The following KATNBL1 variants were observed in gnomAD, a reference collection of about 807,000 sequenced individuals.
The protein encoded by KATNBL1 is katanin regulatory subunit B1 like 1.
A neutral mutation model predicts 44.7 loss-of-function variants in KATNBL1; 28 were observed. The ratio of observed to expected loss-of-function variants is 0.63; its 90% CI spans 0.46 to 0.86. KATNBL1 has a LOEUF of 0.86. Among genes scored for constraint, KATNBL1 ranks in the 40% least tolerant of loss-of-function variants. The probability of loss-of-function intolerance (pLI) is 0.00; values close to 1 mark genes in which losing one functional copy is unlikely to be tolerated. For missense variants in KATNBL1, 272 were observed against 350.7 expected, an observed-to-expected ratio of 0.78 and a Z score of 1.79; for synonymous variants, 78 against 114.9, an observed-to-expected ratio of 0.68 and a Z score of 2.06.
chr15:34,166,601 C>T (rs578208135), intron 1 of KATNBL1, among the ~76,000 whole-genome samples: 11 of 152,250 alleles, frequency 7.2e-5, no homozygotes, highest in Non-Finnish European at 1.0e-4. Context: ...CCCAACACGA[C>T]GTTTGAGCTC....
Position 34,146,799 on chromosome 15 carries a change from C to A in KATNBL1, c.750G>T (p.Trp250Cys). The A allele has an allele frequency of 1.2e-6, 2 of 1,608,096 alleles. No individual in the cohort carries two copies. Among genetic ancestry groups the A allele is most frequent in the Non-Finnish European group, 1.7e-6 (2 of 1,174,638 alleles). ...NWLQAVIKRW[W>C]SELSSKTEII... ...TTTCTGTTTTGGATGATAGTTCTGACCACCACCTTTTAATGACTGCTTGAA... is the reference window on the plus strand; with the variant it reads ...TTTCTGTTTTGGATGATAGTTCTGAACACCACCTTTTAATGACTGCTTGAA... The change falls in exon 8 of 10, where the codon TGG (tryptophan) becomes TGT (cysteine). Residue 250 changes from tryptophan (W) to cysteine (C), a missense_variant. This residue lies in a region of KATNBL1 where 39 missense variants were observed against 76.3 expected (regional missense o/e 0.51). Transcript: ENST00000256544.
At position 34,142,325 on chromosome 15, in the gene KATNBL1, G is replaced by A. The variant is rs1888173725; in HGVS notation, c.*14C>T. The A allele has an allele frequency of 6.3e-7, 1 of 1,588,034 alleles. No homozygotes were observed. Among genetic ancestry groups the A allele is most frequent in the Admixed American group, 1.8e-5 (1 of 55,170 alleles). ...GTTTTGAAAAACCAAATGCTCTTTA[G>A]TAGATGAAATCTCTCAATGTAACTG... On this transcript the variant is annotated 3_prime_UTR_variant, in exon 10 of 10. Transcript: ENST00000256544.
Position 34,142,447 on chromosome 15 carries a change from G to T in KATNBL1, c.883-76C>A, listed in dbSNP as rs566602140. ...CATAAACAATCCATTTTTTTTTGTT[G>T]TTGCTTAATTTGCCTTAGTTTCCTT... On this transcript the variant is annotated intron_variant, in intron 9 of 9. Coordinates refer to ENST00000256544, the MANE Select transcript of KATNBL1 (RefSeq NM_024713.3). The T allele has an allele frequency of 1.1e-4, 165 of 1,465,716 alleles. 1 individual carries two copies. In the African/African-American group the frequency reaches 2.0e-3, roughly 18 times the overall value. 90.8% of individuals were successfully genotyped at this position (1,465,716 alleles called of 1,614,324 possible). A position where few individuals can be genotyped will look rare whatever the true frequency, so the allele number is the denominator to read the frequency against.
intron 2 of KATNBL1, among the ~76,000 whole-genome samples, chr15:34,158,297 G>A (rs925350146): frequency 6.6e-6 from 1 of 152,156 alleles, no homozygotes; most frequent in Non-Finnish European, 1.5e-5. Flanking sequence ...TTTTTCTTTG[G>A]TCTGGTAACA....
chr15:34,189,614 GA>G (rs1490598510), intron 1 of KATNBL1, among the ~76,000 whole-genome samples: 1 of 152,020 alleles, frequency 6.6e-6, no homozygotes, highest in Non-Finnish European at 1.5e-5. Context: ...TAACCAAAAT[GA>G]AAAAACAAAA....
intron 1 of KATNBL1, among the ~76,000 whole-genome samples, chr15:34,192,241 A>G (rs1889894982): frequency 6.6e-6 from 1 of 151,962 alleles, no homozygotes; most frequent in African/African-American, 2.4e-5. Flanking sequence ...TGTCTCTACT[A>G]AAAGTACAAA....
chr15:34,143,506 TCA>T (rs753976885), intron 9 of KATNBL1, among the ~76,000 whole-genome samples: 2 of 151,328 alleles, frequency 1.3e-5, no homozygotes, highest in Admixed American at 6.6e-5. Flanking sequence ...AAAGCAAATT[TCA>T]GTCATAAGGA....
intron 4 of KATNBL1, among the ~76,000 whole-genome samples, chr15:34,151,396 A>G (rs1440407465): frequency 2.9e-5 from 3 of 102,532 alleles, no homozygotes; most frequent in Non-Finnish European, 6.1e-5. Flanking sequence ...ACCTACATGT[A>G]TGTCTTCTTT....
intron 1 of KATNBL1, among the ~76,000 whole-genome samples, chr15:34,172,793 ACACG>A (rs754689418): frequency 1.4e-5 from 2 of 139,002 alleles, no homozygotes; most frequent in African/African-American, 5.6e-5. Context: ...ACACACACAC[ACACG>A]CTTCTCTCTA....
At chr15:34,198,100 A>T (rs1354986810) in intron 1 of KATNBL1, among the ~76,000 whole-genome samples, 1 of 152,184 alleles carries the variant, frequency 6.6e-6, no homozygotes, top group Admixed American at 6.6e-5. Context: ...GCTAATAGGA[A>T]CTGATAAATT....
chr15:34,180,988 A>C (rs756975897), intron 1 of KATNBL1, among the ~76,000 whole-genome samples: 9 of 152,178 alleles, frequency 5.9e-5, no homozygotes, highest in Non-Finnish European at 1.2e-4. Flanking sequence ...CACTGTCAGA[A>C]CTATAGCCCC....
intron 1 of KATNBL1, among the ~76,000 whole-genome samples, chr15:34,204,907 T>C (rs1158461941): frequency 6.6e-6 from 1 of 152,206 alleles, no homozygotes; most frequent in African/African-American, 2.4e-5. Context: ...CTGAGAAACT[T>C]TGTATACGAA....
intron 8 of KATNBL1, 120 bp downstream of exon 8, chr15:34,146,641 A>G: frequency 1.6e-6 from 1 of 642,600 alleles, no homozygotes. Context: ...TATCTCTCTG[A>G]ATATAAAAAG....
chr15:34,163,536 G>A (rs1888872294), intron 2 of KATNBL1, 24 bp downstream of exon 2: 1 of 1,576,772 alleles, frequency 6.3e-7, no homozygotes, highest in Non-Finnish European at 8.5e-7. Context: ...TGTCTTATCT[G>A]TTTTCTAGAA....
At chr15:34,193,814 T>C (rs1285868140) in intron 1 of KATNBL1, among the ~76,000 whole-genome samples, 2 of 116,936 alleles carry the variant, frequency 1.7e-5, no homozygotes, top group East Asian at 6.0e-4. Flanking sequence ...ATTGCACCAC[T>C]GTACTCCAGC....
intron 4 of KATNBL1, among the ~76,000 whole-genome samples, chr15:34,151,436 CTTTTTTTT>C (rs58824450): frequency 1.3e-4 from 8 of 60,702 alleles, no homozygotes; most frequent in Admixed American, 8.0e-4. Flanking sequence ...CCTTTGCCTA[CTTTTTTTT>C]TTTTTTTTTT....
At chr15:34,192,876 T>C (rs1377365551) in intron 1 of KATNBL1, among the ~76,000 whole-genome samples, 1 of 152,228 alleles carries the variant, frequency 6.6e-6, no homozygotes. Flanking sequence ...TTTTACTTTA[T>C]GTCCTCTTTA....
At chr15:34,195,690 C>CAAAAAAAAA (rs5811824) in intron 1 of KATNBL1, among the ~76,000 whole-genome samples, 133 of 111,404 alleles carry the variant, frequency 1.2e-3, no homozygotes, top group African/African-American at 4.7e-3. Flanking sequence ...GACGCCATCT[C>CAAAAAAAAA]AAAAAAAAAA....
chr15:34,188,571 A>G (rs1286689996), intron 1 of KATNBL1, among the ~76,000 whole-genome samples: 2 of 152,210 alleles, frequency 1.3e-5, no homozygotes, highest in East Asian at 1.9e-4. Context: ...GGGGGAAGAA[A>G]AAAAGTTTTC....
Sources: allele counts gnomAD v4.1 joint callset (sites outside exome capture counted in the v4.1 genomes callset), GRCh38; gene constraint gnomAD v4.1.1; regional missense constraint gnomAD v4.1.1; transcripts MANE v1.5; gene names NCBI Gene and HGNC (gene_info 2026-07-23, HGNC 2026-07-21).